Variants in EEIG1 observed in about 807,000 individuals in gnomAD.
EEIG1 encodes the protein estrogen-induced osteoclastogenesis regulator 1, also known as early estrogen-induced gene 1 protein.
the EEIG1 span, chr9:127,940,684 A>G: frequency 6.6e-6 from 1 of 152,178 alleles, no homozygotes; most frequent in Non-Finnish European, 1.5e-5. Flanking sequence ...AAGCTGGGAC[A>G]GAGGAACAAA....
the EEIG1 span, among the ~76,000 whole-genome samples, chr9:127,954,676 C>T: frequency 3.3e-5 from 5 of 152,120 alleles, no homozygotes; most frequent in African/African-American, 9.7e-5. Flanking sequence ...ACTGGGGGCC[C>T]GGAGGCTAAG....
chr9:127,980,231 C>T, the EEIG1 span: 10 of 1,379,706 alleles, frequency 7.2e-6, no homozygotes, highest in Non-Finnish European at 9.8e-6. Context: ...CTCAAAACAC[C>T]AGAGCCGGAT....
At chr9:127,950,733 C>T in the EEIG1 span, 1 of 1,391,926 alleles carries the variant, frequency 7.2e-7, no homozygotes, top group Non-Finnish European at 9.3e-7. Context: ...ACCAACATGG[C>T]AAAGCCAGGA....
At chr9:127,954,629 A>C in the EEIG1 span, among the ~76,000 whole-genome samples, 1 of 152,130 alleles carries the variant, frequency 6.6e-6, no homozygotes, top group South Asian at 2.1e-4. Flanking sequence ...CTCTGTATGG[A>C]GCAGCCACAT....
chr9:127,970,795 C>CGCCTTTGCCGTGCCTCT, the EEIG1 span, among the ~76,000 whole-genome samples: 1 of 151,358 alleles, frequency 6.6e-6, no homozygotes, highest in Non-Finnish European at 1.5e-5. Flanking sequence ...TCAGCACGCT[C>CGCCTTTGCCGTGCCTCT]GCCCTTGCCG....
chr9:127,961,344 G>A, the EEIG1 span, among the ~76,000 whole-genome samples: 21 of 152,294 alleles, frequency 1.4e-4, no homozygotes, highest in Non-Finnish European at 2.9e-5. Flanking sequence ...ATGAACACAG[G>A]CTCAGGCAGG....
chr9:127,956,832 A>G, the EEIG1 span, among the ~76,000 whole-genome samples: 819 of 152,292 alleles, frequency 5.4e-3, 3 homozygotes, highest in African/African-American at 0.019. Context: ...CTCGTGCCTC[A>G]GACTCCTAAG....
the EEIG1 span, among the ~76,000 whole-genome samples, chr9:127,975,249 C>T: frequency 6.6e-6 from 1 of 152,208 alleles, no homozygotes; most frequent in African/African-American, 2.4e-5. Flanking sequence ...AAAAGAACCC[C>T]ACCTGTGCCT....
the EEIG1 span, chr9:127,950,395 G>A: frequency 6.2e-7 from 1 of 1,610,780 alleles, no homozygotes; most frequent in Non-Finnish European, 8.5e-7. Flanking sequence ...CGTGGTCAGG[G>A]TGGCAGAGGT....
chr9:127,949,207 G>A, the EEIG1 span, among the ~76,000 whole-genome samples: 7 of 151,754 alleles, frequency 4.6e-5, no homozygotes, highest in South Asian at 2.1e-4. Context: ...CCAGCTACTC[G>A]GGAGGCTGAG....
At chr9:127,945,567 CAG>C in the EEIG1 span, 7 of 1,563,794 alleles carry the variant, frequency 4.5e-6, no homozygotes, top group Non-Finnish European at 6.1e-6. This position sits in a 1 kb window ranked among gnomAD's most constrained non-coding sequence, Gnocchi z 6.5. Flanking sequence ...TGTAGCCTGT[CAG>C]GGGCGACGCA....
At chr9:127,953,860 G>C in the EEIG1 span, 1 of 1,614,008 alleles carries the variant, frequency 6.2e-7, no homozygotes, top group Non-Finnish European at 8.5e-7. Context: ...GGCCGGGTTA[G>C]CACTCATCTT....
At chr9:127,944,172 A>G in the EEIG1 span, 2 of 217,462 alleles carry the variant, frequency 9.2e-6, no homozygotes, top group Admixed American at 5.4e-5. Context: ...AGCAGCCTGC[A>G]TTGAACCAGG....
chr9:127,963,334 C>T, the EEIG1 span, among the ~76,000 whole-genome samples: 5 of 152,380 alleles, frequency 3.3e-5, no homozygotes, highest in East Asian at 9.6e-4. Flanking sequence ...GCTGGCAGGG[C>T]TGGCCGCCCG....
At chr9:127,955,631 G>A in the EEIG1 span, among the ~76,000 whole-genome samples, 2 of 152,272 alleles carry the variant, frequency 1.3e-5, no homozygotes, top group Non-Finnish European at 2.9e-5. Flanking sequence ...ATGAATCAGG[G>A]AAGGTGACAT....
chr9:127,948,469 G>A, the EEIG1 span: 3,818 of 1,565,390 alleles, frequency 2.4e-3, 65 homozygotes, highest in African/African-American at 0.039. Flanking sequence ...CTGCCCAGGC[G>A]CAGGGCCCCC....
the EEIG1 span, among the ~76,000 whole-genome samples, chr9:127,973,465 T>C: frequency 6.6e-6 from 1 of 152,068 alleles, no homozygotes; most frequent in African/African-American, 2.4e-5. The surrounding 1 kb of genome is among the most constrained non-coding windows in gnomAD (Gnocchi z 4.2). Context: ...CCTCAGGAAA[T>C]AGCCTGGCTC....
At chr9:127,980,042 G>A in the EEIG1 span, 5 of 1,613,792 alleles carry the variant, frequency 3.1e-6, no homozygotes, top group Middle Eastern at 1.7e-4. Context: ...GGACCTTGCA[G>A]AAGAGGACCC....
the EEIG1 span, among the ~76,000 whole-genome samples, chr9:127,949,109 C>A: frequency 1.3e-5 from 2 of 152,024 alleles, no homozygotes; most frequent in South Asian, 2.1e-4. Context: ...AGGTCAGGGG[C>A]TCGAGACCAT....
Sources: gnomAD v4.1 joint callset for allele counts (sites outside exome capture counted in the v4.1 genomes callset) on GRCh38, gnomAD v4.1.1 for gene constraint, Gnocchi (gnomAD v3.1) non-coding constraint, MANE v1.5 for transcripts, NCBI Gene and HGNC (gene_info 2026-07-23, HGNC 2026-07-21) for gene names.